HERC1: variants seen among roughly 807,000 people sequenced by gnomAD.
HERC1 encodes the protein HECT and RLD domain containing E3 ubiquitin protein ligase family member 1, also known as probable E3 ubiquitin-protein ligase HERC1.
HERC1 carries 160 observed loss-of-function variants against 554.3 expected under a neutral mutation model. That is an observed-to-expected ratio of 0.29 (90% confidence interval 0.25 to 0.33). The LOEUF (loss-of-function observed/expected upper bound fraction) is 0.33, where lower values mean the gene tolerates loss of function less well. Among genes scored for constraint, HERC1 ranks in the 10% least tolerant of loss-of-function variants. The pLI is 1.00. For missense variants in HERC1, 4,919 were observed against 5,918.5 expected (o/e 0.83, Z 5.54); for synonymous variants, 2,175 against 2,131.7 (o/e 1.02, Z -0.56).
chr15:63,745,047 C>T lies in HERC1; in HGVS notation c.2520+1871G>A, dbSNP rs552350183. Among the ~76,000 whole-genome samples the T allele has an allele frequency of 2.0e-5, 3 of 152,302 alleles. No homozygotes were observed. In the East Asian group the frequency reaches 5.8e-4, roughly 29 times the overall value. On this transcript the variant is annotated intron_variant, in intron 12 of 77. Coordinates refer to ENST00000443617, the MANE Select transcript of HERC1 (RefSeq NM_003922.4). ...CCTGGGGCATGTCTAGAAATGTCAT[C>T]TGAGAGCTGGCATCTGGAACAGGGA...
chr15:63,628,830 C>T lies in HERC1; in HGVS notation c.12967-15G>A. 6.2e-7 allele frequency: 1 copy of T among 1,608,456 alleles called. No individual in the cohort carries two copies. The highest frequency in any genetic ancestry group is 8.5e-7 in the Non-Finnish European group (1 of 1,177,480). The stretch of plus-strand genomic sequence containing the variant: ...CCTAAGCCGAGCTGGGAATAAATCA[C>T]AAATATACAGACATTCAATTAGAAA... On this transcript the variant is annotated splice_polypyrimidine_tract_variant and intron_variant, in intron 69 of 77. Transcript: ENST00000443617.
rs8035286 is a variant in HERC1 at position 63,646,835 on chromosome 15, C to A, written c.10879-1153G>T. On this transcript the variant is annotated intron_variant, in intron 55 of 77. Transcript: ENST00000443617. The stretch of plus-strand genomic sequence containing the variant: ...GAAAAAACAAACAAACAAACAAAAA[C>A]AAAAACAAAACAAAACAAGAAAAAG... Among the ~76,000 whole-genome samples the A allele has an allele frequency of 4.7e-3, 179 of 38,170 alleles. 1 individual carries two copies. The highest frequency in any genetic ancestry group is 0.017 in the Middle Eastern group (1 of 58). The allele number at this position is 38,170 out of a possible 152,430, so 25.0% of individuals were successfully genotyped here. A position where few individuals can be genotyped will look rare whatever the true frequency, so the allele number is the denominator to read the frequency against.
In HERC1 at chr15:63,759,050, C is replaced by T. The variant is rs140804461; in HGVS notation, c.1027-681G>A. On this transcript the variant is annotated intron_variant, in intron 3 of 77. Transcript: ENST00000443617. Reference sequence around the variant, plus strand: ...CTGGCTCCACTTTCCTTTAATAGGGCATTTAGAGTCTATTTATTTGTTATA... The same window carrying T: ...CTGGCTCCACTTTCCTTTAATAGGGTATTTAGAGTCTATTTATTTGTTATA... Among the ~76,000 whole-genome samples the T allele has an allele frequency of 6.8e-4, 103 of 152,134 alleles. No homozygotes were observed. In the East Asian group the frequency reaches 0.019, roughly 28 times the overall value.
chr15:63,696,032 A>G, intron 27 of HERC1, 92 bp downstream of exon 27: 4 of 925,254 alleles, frequency 4.3e-6, no homozygotes, highest in Non-Finnish European at 6.7e-6. Context: ...GTATTTTTAA[A>G]CTGAATCATA....
chr15:63,785,789 G>C (rs2076419236), intron 1 of HERC1, among the ~76,000 whole-genome samples: 1 of 147,576 alleles, frequency 6.8e-6, no homozygotes, highest in African/African-American at 2.5e-5. Context: ...AAGAAGGAAG[G>C]AAAAGGGGAA....
chr15:63,635,059 T>G, intron 65 of HERC1, 171 bp from the exon 66 acceptor site: 2 of 459,174 alleles, frequency 4.4e-6, no homozygotes, highest in South Asian at 6.3e-5. Context: ...TTTTTTTAAA[T>G]TTTAAAGAGA....
chr15:63,678,242 G>A lies in HERC1; in HGVS notation c.6673C>T (p.Arg2225Ter), dbSNP rs1131691853. ...ATIQLIRILH[R>*]TDRWTYCINK... ...ATGCAGTAAGTCCAACGGTCTGTTCGGTGAAGGATACGGATGAGCTGAATA... is the reference window on the plus strand; with the variant it reads ...ATGCAGTAAGTCCAACGGTCTGTTCAGTGAAGGATACGGATGAGCTGAATA... The change falls in exon 37 of 78, where the codon CGA becomes TGA. Residue 2225 changes from arginine to a stop codon, truncating the protein, a stop_gained. Coordinates refer to ENST00000443617, the MANE Select transcript of HERC1 (RefSeq NM_003922.4). LOFTEE classifies it high-confidence loss of function. The A allele has an allele frequency of 6.2e-7, 1 of 1,613,620 alleles. No homozygotes were observed. Among genetic ancestry groups the A allele is most frequent in the South Asian group, 1.1e-5 (1 of 91,056 alleles).
In HERC1 at chr15:63,706,766, ATACT is replaced by A. The variant is rs2073028171; in HGVS notation, c.4636+10_4636+13del. The A allele has an allele frequency of 6.7e-7, 1 of 1,492,860 alleles. No individual in the cohort carries two copies. The highest frequency in any genetic ancestry group is 9.1e-7 in the Non-Finnish European group (1 of 1,099,570). The allele number at this position is 1,492,860 out of a possible 1,614,324, so 92.5% of individuals were successfully genotyped here. On this transcript the variant is annotated intron_variant, in intron 25 of 77. Transcript: ENST00000443617. ...CACTAAGATATTTACTATGTTCTTA[ATACT>A]TACACTTACCTCTCTTTCTGTGAGA...
At chr15:63,784,100 C>T (rs776854262) in intron 1 of HERC1, among the ~76,000 whole-genome samples, 6 of 151,252 alleles carry the variant, frequency 4.0e-5, no homozygotes, top group Non-Finnish European at 7.4e-5. Flanking sequence ...CATGCTCATA[C>T]TCATAAAAAT....
At position 63,712,884 on chromosome 15, in the gene HERC1, A is replaced by C; in HGVS notation, c.4475T>G (p.Leu1492Arg). ...GTGGACTAGCCGGCTCTCTGCAGTA[A>C]GACTTTCACTCCTGTCTCACATGTA... Reference protein sequence around the residue: ...GGGLMTRSESLTAESRLVHTS... With the variant: ...GGGLMTRSESRTAESRLVHTS... Residue 1492 changes from leucine (L) to arginine (R), a missense_variant, in exon 24 of 78, where the codon CTT (leucine) becomes CGT (arginine). Physicochemically the swap from Leu to Arg is moderately radical, Grantham distance 102. Transcript: ENST00000443617. 1.2e-6 allele frequency: 2 copies of C among 1,613,232 alleles called. No homozygotes were observed. The highest frequency in any genetic ancestry group is 1.7e-6 in the Non-Finnish European group (2 of 1,179,648).
chr15:63,677,949 C>A lies in HERC1; in HGVS notation c.6966G>T (p.Arg2322=). The A allele has an allele frequency of 6.2e-7, 1 of 1,614,024 alleles. No individual in the cohort carries two copies. Among genetic ancestry groups the A allele is most frequent in the Non-Finnish European group, 8.5e-7 (1 of 1,179,900 alleles). The change falls in exon 37 of 78, where the codon CGG becomes CGT. Residue 2322 remains arginine, a synonymous_variant. Coordinates refer to ENST00000443617, the MANE Select transcript of HERC1 (RefSeq NM_003922.4). The surrounding 1 kb of genome is among the most constrained non-coding windows in gnomAD (Gnocchi z 4.4). The part of the protein sequence containing the change: ...GVDAGLRVGG[R]CVHKQTGRHA... The stretch of plus-strand genomic sequence containing the variant: ...GGCGCCCAGTTTGCTTGTGAACACA[C>A]CGACCTCCAACTCTAAGACCAGCAT...
chr15:63,681,463 T>G (rs970636907), intron 34 of HERC1, among the ~76,000 whole-genome samples: 8 of 152,064 alleles, frequency 5.3e-5, no homozygotes, highest in Non-Finnish European at 1.0e-4. Context: ...TCCCAAAGTG[T>G]TGGGATTATA....
chr15:63,613,128 T>C (rs2067673138), intron 76 of HERC1, among the ~76,000 whole-genome samples: 1 of 152,208 alleles, frequency 6.6e-6, no homozygotes, highest in Admixed American at 6.5e-5. Context: ...GCAATGAATT[T>C]AGTGAAGAGA....
At chr15:63,655,148 G>A (rs2069953829) in intron 50 of HERC1, among the ~76,000 whole-genome samples, 1 of 152,092 alleles carries the variant, frequency 6.6e-6, no homozygotes, top group South Asian at 2.1e-4. Flanking sequence ...GAGGCCAGGA[G>A]TTCAAGACAA....
intron 34 of HERC1, among the ~76,000 whole-genome samples, chr15:63,683,147 A>AG (rs1328565862): frequency 2.0e-5 from 3 of 151,666 alleles, no homozygotes; most frequent in Non-Finnish European, 4.4e-5. Context: ...AAAAAAAAAA[A>AG]AAAAAAAGAA....
intron 25 of HERC1, among the ~76,000 whole-genome samples, chr15:63,700,387 T>C (rs776699081): frequency 3.3e-5 from 5 of 152,098 alleles, no homozygotes; most frequent in East Asian, 3.9e-4. Flanking sequence ...TGTAACTAGA[T>C]AGAAAAGTTT....
chr15:63,651,178 T>G (rs1369462390), intron 53 of HERC1, 75 bp downstream of exon 53: 1 of 1,375,856 alleles, frequency 7.3e-7, no homozygotes, highest in East Asian at 2.3e-5. Context: ...AAACCACTGT[T>G]TGGACTCAGA....
chr15:63,824,189 G>T (rs1020554128), intron 1 of HERC1, among the ~76,000 whole-genome samples: 1 of 152,108 alleles, frequency 6.6e-6, no homozygotes, highest in African/African-American at 2.4e-5. Flanking sequence ...ACTGTTGGTG[G>T]AAATGTAAAT....
intron 51 of HERC1, among the ~76,000 whole-genome samples, chr15:63,652,925 C>T (rs2069778933): frequency 6.6e-6 from 1 of 152,182 alleles, no homozygotes; most frequent in African/African-American, 2.4e-5. Context: ...TCTGGGATTA[C>T]AGGCATAAGC....
Sources: gnomAD v4.1 joint callset for allele counts (sites outside exome capture counted in the v4.1 genomes callset) on GRCh38, gnomAD v4.1.1 for gene constraint, Gnocchi (gnomAD v3.1) non-coding constraint, MANE v1.5 for transcripts, NCBI Gene and HGNC (gene_info 2026-07-23, HGNC 2026-07-21) for gene names.